The following DCAF6 variants were observed in gnomAD, a reference collection of about 807,000 sequenced individuals.
DCAF6 encodes the protein DDB1- and CUL4-associated factor 6.
DCAF6 carries 54 observed loss-of-function variants against 125.1 expected under a neutral mutation model. That is an observed-to-expected ratio of 0.43 (90% CI 0.35 to 0.54). The LOEUF (loss-of-function observed/expected upper bound fraction) is 0.54, where lower values mean the gene tolerates loss of function less well. Among genes scored for constraint, DCAF6 ranks in the 20% least tolerant of loss-of-function variants. The pLI is 0.01. For missense variants in DCAF6, 934 were observed against 1,161.7 expected, an observed-to-expected ratio of 0.80 and a Z score of 2.85; for synonymous variants, 371 against 390.4, an observed-to-expected ratio of 0.95 and a Z score of 0.58.
At chr1:167,931,013 C>T (rs971435801), upstream of DCAF6, among the ~76,000 whole-genome samples, 2 of 152,212 alleles carry the variant, frequency 1.3e-5, no homozygotes, top group Non-Finnish European at 2.9e-5. Context: ...CTCACTGCAA[C>T]CTCCATCTTC....
intron 4 of DCAF6, among the ~76,000 whole-genome samples, chr1:167,976,594 C>T (rs925090524): frequency 1.4e-4 from 22 of 151,974 alleles, no homozygotes; most frequent in African/African-American, 5.3e-4. Context: ...TGGAGGTTAC[C>T]CCAGCTACTT....
At chr1:167,954,819 A>G (rs1273763030) in intron 2 of DCAF6, among the ~76,000 whole-genome samples, 2 of 152,176 alleles carry the variant, frequency 1.3e-5, no homozygotes, top group Non-Finnish European at 2.9e-5. Context: ...GTACTATTTG[A>G]TATGTTTAAC....
the DCAF6 span, among the ~76,000 whole-genome samples, chr1:167,900,473 AG>A: frequency 2.6e-5 from 4 of 152,210 alleles, no homozygotes; most frequent in Non-Finnish European, 4.4e-5. Context: ...GTACTAACTT[AG>A]AAAAAATATT....
At chr1:167,875,128 T>C in the DCAF6 span, 1 of 1,613,890 alleles carries the variant, frequency 6.2e-7, no homozygotes, top group East Asian at 2.2e-5. Context: ...GCCTACTACC[T>C]ACCCAGCAAA....
chr1:168,024,158 A>C (rs1686025554), intron 12 of DCAF6: 1 of 151,564 alleles, frequency 6.6e-6, no homozygotes, highest in African/African-American at 2.4e-5. Flanking sequence ...TCAAGGATCC[A>C]GTGAGCTATG....
chr1:167,880,442 G>A, the DCAF6 span: 6 of 1,334,860 alleles, frequency 4.5e-6, no homozygotes, highest in Non-Finnish European at 6.5e-6. Context: ...CCCTACTTAT[G>A]CCTCAAAAGG....
intron 1 of DCAF6, 130 bp from the exon 2 acceptor site, chr1:167,951,670 T>C (rs1169829048): frequency 1.6e-6 from 1 of 629,366 alleles, no homozygotes; most frequent in Non-Finnish European, 2.8e-6. Context: ...ATCACTCAGT[T>C]TATAAATGGT....
chr1:167,967,469 T>G (rs998833838), intron 3 of DCAF6, among the ~76,000 whole-genome samples: 1 of 152,198 alleles, frequency 6.6e-6, no homozygotes, highest in Non-Finnish European at 1.5e-5. Context: ...GATAAAGCTA[T>G]AAACAGCTGA....
At chr1:167,971,847 A>G (rs1677357314) in intron 3 of DCAF6, among the ~76,000 whole-genome samples, 1 of 152,040 alleles carries the variant, frequency 6.6e-6, no homozygotes, top group African/African-American at 2.4e-5. Flanking sequence ...ATAAAAAGTT[A>G]TTATTGTTAT....
chr1:167,933,456 C>A (rs1000331734), upstream of DCAF6, among the ~76,000 whole-genome samples: 1 of 152,094 alleles, frequency 6.6e-6, no homozygotes, highest in African/African-American at 2.4e-5. Context: ...TGTGAGCCAC[C>A]GTGCCTGGCT....
intron 15 of DCAF6, 103 bp from the exon 16 acceptor site, chr1:168,044,787 TTATAGAGGAA>T: frequency 2.1e-6 from 3 of 1,419,252 alleles, no homozygotes; most frequent in Non-Finnish European, 2.9e-6. Context: ...TTTCCTCCCC[TTATAGAGGAA>T]TTAGACATCA....
chr1:168,018,847 C>T (rs1685309082), intron 11 of DCAF6, among the ~76,000 whole-genome samples: 1 of 152,058 alleles, frequency 6.6e-6, no homozygotes, highest in South Asian at 2.1e-4. Flanking sequence ...ATTGGCTGAA[C>T]TCTTGTCCCT....
the DCAF6 span, among the ~76,000 whole-genome samples, chr1:167,925,532 T>G: frequency 2.4e-4 from 33 of 135,678 alleles, no homozygotes; most frequent in African/African-American, 8.7e-4. Flanking sequence ...TTTTTTTTTT[T>G]GGTTTTTTTT....
chr1:168,062,127 T>G (rs558795774), intron 17 of DCAF6, among the ~76,000 whole-genome samples: 1 of 152,138 alleles, frequency 6.6e-6, no homozygotes, highest in Non-Finnish European at 1.5e-5. Context: ...ACAAACATAA[T>G]TCTGAGCTAA....
intron 1 of DCAF6, among the ~76,000 whole-genome samples, chr1:167,947,464 A>G (rs1673248666): frequency 6.6e-6 from 1 of 150,932 alleles, no homozygotes; most frequent in Admixed American, 6.6e-5. Context: ...TTCTTAGATT[A>G]TTAACTTGTA....
chr1:167,903,496 G>A, the DCAF6 span, among the ~76,000 whole-genome samples: 3 of 148,572 alleles, frequency 2.0e-5, no homozygotes, highest in South Asian at 4.3e-4. Flanking sequence ...CCCAGGAGGC[G>A]AAGGTTGCAG....
chr1:167,928,641 A>G, the DCAF6 span, among the ~76,000 whole-genome samples: 2 of 152,254 alleles, frequency 1.3e-5, no homozygotes, highest in African/African-American at 4.8e-5. Context: ...TGACAATACA[A>G]TGTCACATGT....
intron 2 of DCAF6, among the ~76,000 whole-genome samples, chr1:167,953,776 T>C (rs1474673357): frequency 6.6e-6 from 1 of 152,112 alleles, no homozygotes; most frequent in Non-Finnish European, 1.5e-5. Flanking sequence ...TTTTTGTGTC[T>C]TTAGTAGAGA....
At chr1:167,956,149 A>G (rs1316986440) in intron 2 of DCAF6, among the ~76,000 whole-genome samples, 1 of 151,480 alleles carries the variant, frequency 6.6e-6, no homozygotes, top group Non-Finnish European at 1.5e-5. Context: ...GTTCTCCTCT[A>G]TTACTAACTT....
Sources: gnomAD v4.1 joint callset for allele counts (sites outside exome capture counted in the v4.1 genomes callset) on GRCh38, gnomAD v4.1.1 for gene constraint, MANE v1.5 for transcripts, NCBI Gene and HGNC (gene_info 2026-07-23, HGNC 2026-07-21) for gene names.